LRMDA: variants seen among roughly 807,000 people sequenced by gnomAD.
LRMDA encodes the protein leucine-rich melanocyte differentiation-associated protein.
A neutral mutation model predicts 29.8 loss-of-function variants in LRMDA; 18 were observed. The observed-to-expected ratio is 0.60, with a 90% CI of 0.42 to 0.90. The LOEUF is 0.90. Ranked by LOEUF, LRMDA falls within the 40% of genes least tolerant of loss-of-function variation. LRMDA has a pLI of 0.00. For missense variants in LRMDA, 273 were observed against 273.9 expected (o/e 1.00, Z 0.02); for synonymous variants, 125 against 109.4 (o/e 1.14, Z -0.89).
intron 6 of LRMDA, among the ~76,000 whole-genome samples, chr10:76,363,304 G>GAAGGTAGT (rs1841351928): frequency 1.1e-5 from 1 of 89,018 alleles, no homozygotes; most frequent in Non-Finnish European, 2.4e-5. Flanking sequence ...AGGAAGGGAG[G>GAAGGTAGT]AAGGGAGGAA....
At chr10:75,489,499 T>G (rs1774202743) in intron 2 of LRMDA, among the ~76,000 whole-genome samples, 1 of 152,248 alleles carries the variant, frequency 6.6e-6, no homozygotes, top group African/African-American at 2.4e-5. Context: ...TCTCAAACAT[T>G]AAGACTTGTG....
intron 5 of LRMDA, among the ~76,000 whole-genome samples, chr10:76,116,436 G>A (rs1849669058): frequency 6.6e-6 from 1 of 152,126 alleles, no homozygotes; most frequent in African/African-American, 2.4e-5. Context: ...GTAATGACTT[G>A]CCCAGTGGAA....
intron 2 of LRMDA, among the ~76,000 whole-genome samples, chr10:75,482,721 G>A (rs1379646627): frequency 6.6e-6 from 1 of 152,042 alleles, no homozygotes; most frequent in African/African-American, 2.4e-5. Context: ...CCACTGCCAG[G>A]GGTATAAGGA....
chr10:76,318,349 C>T (rs1840726333), intron 5 of LRMDA: 1 of 152,178 alleles, frequency 6.6e-6, no homozygotes, highest in South Asian at 2.1e-4. Context: ...CCACTGTGGG[C>T]ACTGGCAGAA....
intron 5 of LRMDA, among the ~76,000 whole-genome samples, chr10:76,311,477 G>A (rs1031125582): frequency 2.0e-5 from 3 of 151,940 alleles, no homozygotes; most frequent in South Asian, 2.1e-4. Flanking sequence ...AAATATGCAC[G>A]TATCTCATTA....
chr10:76,530,218 A>G, intron 6 of LRMDA, among the ~76,000 whole-genome samples: 1 of 152,172 alleles, frequency 6.6e-6, no homozygotes, highest in East Asian at 1.9e-4. Flanking sequence ...ACTGCTAGTT[A>G]TTTTTAAGAC....
rs116861773 is a variant in LRMDA at position 76,232,749 on chromosome 10, A to G, written c.517-91652A>G. 2.3e-3 allele frequency among the ~76,000 whole-genome samples: 345 copies of G among 152,282 alleles called. 6 individuals carry two copies. The East Asian group carries it at 0.061, about 27-fold the overall frequency. On this transcript the variant is annotated intron_variant, in intron 5 of 6. Coordinates refer to ENST00000611255, the MANE Select transcript of LRMDA (RefSeq NM_001305581.2). ...TACTGACAATGGAAGAGTGAGCCAG[A>G]TGGGGAGTTTTATTGGTGATGAAAC...
At chr10:76,410,887 A>G (rs1368372258) in intron 6 of LRMDA, among the ~76,000 whole-genome samples, 1 of 152,226 alleles carries the variant, frequency 6.6e-6, no homozygotes, top group South Asian at 2.1e-4. Context: ...CAGAGGCTGC[A>G]GTGAGCCGAG....
At chr10:75,830,872 C>A (rs1479834136) in intron 2 of LRMDA, among the ~76,000 whole-genome samples, 1 of 152,166 alleles carries the variant, frequency 6.6e-6, no homozygotes, top group Non-Finnish European at 1.5e-5. Flanking sequence ...TCATCTGAGA[C>A]AAGGCAAGTC....
intron 2 of LRMDA, among the ~76,000 whole-genome samples, chr10:75,677,473 AT>A (rs957585434): frequency 6.6e-6 from 1 of 152,156 alleles, no homozygotes; most frequent in Non-Finnish European, 1.5e-5. Context: ...CTGTTATTTC[AT>A]TTTTTAAAAA....
chr10:75,504,294 T>A (rs1007893076), intron 2 of LRMDA, among the ~76,000 whole-genome samples: 1 of 152,182 alleles, frequency 6.6e-6, no homozygotes, highest in African/African-American at 2.4e-5. Flanking sequence ...GCACCCCATA[T>A]TTGTTGAGTG....
At chr10:76,238,990 G>A (rs1852216857) in intron 5 of LRMDA, among the ~76,000 whole-genome samples, 1 of 152,048 alleles carries the variant, frequency 6.6e-6, no homozygotes, top group African/African-American at 2.4e-5. Context: ...GAGTGAACAG[G>A]TATTATGGGA....
chr10:76,222,455 T>C (rs975758040), intron 5 of LRMDA, among the ~76,000 whole-genome samples: 21 of 151,864 alleles, frequency 1.4e-4, no homozygotes, highest in East Asian at 5.8e-4. Context: ...AAAAAGTGGG[T>C]GAAGGACATG....
intron 5 of LRMDA, among the ~76,000 whole-genome samples, chr10:76,148,503 A>G (rs1295833068): frequency 6.6e-6 from 1 of 152,196 alleles, no homozygotes; most frequent in Admixed American, 6.5e-5. Context: ...TGTGTGGGAT[A>G]TAATCTCCTG....
chr10:75,965,303 C>A (rs1412400843), intron 2 of LRMDA, among the ~76,000 whole-genome samples: 11 of 152,132 alleles, frequency 7.2e-5, no homozygotes. Flanking sequence ...TATTAGTAAT[C>A]TTACTGAGTA....
chr10:75,761,249 C>G (rs1391410524), intron 2 of LRMDA, among the ~76,000 whole-genome samples: 1 of 152,224 alleles, frequency 6.6e-6, no homozygotes, highest in Non-Finnish European at 1.5e-5. Flanking sequence ...TTCATGGCAG[C>G]ATTCTTCACA....
chr10:76,189,821 A>C (rs1433743561), intron 5 of LRMDA, among the ~76,000 whole-genome samples: 1 of 152,156 alleles, frequency 6.6e-6, no homozygotes, highest in Non-Finnish European at 1.5e-5. Flanking sequence ...GGAGGAAAGG[A>C]GTGCTTGTCT....
intron 2 of LRMDA, among the ~76,000 whole-genome samples, chr10:75,462,411 C>T (rs1187563002): frequency 6.6e-6 from 1 of 152,174 alleles, no homozygotes; most frequent in Non-Finnish European, 1.5e-5. Context: ...TTGGCATAAG[C>T]CAGTGTAAGA....
At chr10:76,508,122 A>G (rs556961037) in intron 6 of LRMDA, among the ~76,000 whole-genome samples, 1 of 152,288 alleles carries the variant, frequency 6.6e-6, no homozygotes, top group Admixed American at 6.5e-5. Flanking sequence ...AGTGCATTGT[A>G]TCAGGAGGTA....
Sources: allele counts gnomAD v4.1 joint callset (sites outside exome capture counted in the v4.1 genomes callset), GRCh38; gene constraint gnomAD v4.1.1; transcripts MANE v1.5; gene names NCBI Gene and HGNC (gene_info 2026-07-23, HGNC 2026-07-21).